SMARCA1: variants seen among roughly 807,000 people sequenced by gnomAD.
The protein encoded by SMARCA1 is SNF2 related chromatin remodeling ATPase 1, also known as SWI/SNF-related matrix-associated actin-dependent regulator of chromatin subfamily A member 1.
A neutral mutation model predicts 93.6 loss-of-function variants in SMARCA1; 17 were observed. That is an observed-to-expected ratio of 0.18 (90% CI 0.12 to 0.27). The LOEUF (loss-of-function observed/expected upper bound fraction) is 0.27, where lower values mean the gene tolerates loss of function less well. SMARCA1 is among the 10% of genes least tolerant of loss of function. The probability of loss-of-function intolerance (pLI) is 1.00; values close to 1 mark genes in which losing one functional copy is unlikely to be tolerated. For synonymous variants in SMARCA1, 271 were observed against 271.4 expected (o/e 1.00, Z 0.01); for missense variants, 630 against 819.0 (o/e 0.77, Z 2.82).
chrX:129,518,938 G>C (rs1191801861), intron 1 of SMARCA1, among the ~76,000 whole-genome samples: 4 of 111,224 alleles, frequency 3.6e-5, no homozygotes, highest in Admixed American at 2.9e-4. Context: ...TTTTAAAATT[G>C]TTTTCATAGT....
chrX:129,465,868 A>G lies in SMARCA1; in HGVS notation c.2793T>C (p.Ser931=). ...CTTTGGCATCCAGGGCTTTCTTGAT[A>G]CTGATCCTTCGTTGAATTCTTGCTT... ...RGEARIQRRI[S]IKKALDAKIA... The change falls in exon 22 of 25, where the codon AGT becomes AGC. Residue 931 remains serine (S), a synonymous_variant. Coordinates refer to ENST00000371121, the MANE Select transcript of SMARCA1 (RefSeq NM_001282874.2). 1 of 1,173,863 alleles carries G rather than the reference A, an allele frequency of 8.5e-7. No homozygotes were observed.
At chrX:129,456,527 A>C (rs1199937038) in intron 23 of SMARCA1, among the ~76,000 whole-genome samples, 1 of 112,488 alleles carries the variant, frequency 8.9e-6, no homozygotes, top group Non-Finnish European at 1.9e-5. Flanking sequence ...GGGCAAAGTC[A>C]ATTGAAAACC....
intron 14 of SMARCA1, 64 bp downstream of exon 14, chrX:129,491,877 G>T: frequency 1.3e-6 from 1 of 758,191 alleles, no homozygotes; most frequent in Non-Finnish European, 1.9e-6. Flanking sequence ...TGACCTTTAT[G>T]TGTGTAAATA....
Position 129,523,184 on chromosome X carries a change from C to A in SMARCA1, c.174+13G>T, listed in dbSNP as rs750255635. On this transcript the variant is annotated intron_variant, in intron 1 of 24. Transcript: ENST00000371121. Reference sequence around the variant, plus strand: ...GGATTTGTCCACCACACACACACCCCCTTCCTATTTACCTCCTTCTTCTTC... The same window carrying A: ...GGATTTGTCCACCACACACACACCCACTTCCTATTTACCTCCTTCTTCTTC... 1.7e-6 allele frequency: 2 copies of A among 1,210,175 alleles called. No homozygotes were observed. Among genetic ancestry groups the A allele is most frequent in the Non-Finnish European group, 2.2e-6 (2 of 894,299 alleles).
At chrX:129,470,164 T>G (rs1933050252) in intron 20 of SMARCA1, among the ~76,000 whole-genome samples, 2 of 111,813 alleles carry the variant, frequency 1.8e-5, no homozygotes, top group Non-Finnish European at 3.8e-5. Context: ...GTTCAAAATT[T>G]GTTGAATAAA....
intron 19 of SMARCA1, among the ~76,000 whole-genome samples, chrX:129,478,897 C>T (rs1933514237): frequency 2.7e-5 from 3 of 111,695 alleles, no homozygotes; most frequent in Admixed American, 1.9e-4. Flanking sequence ...AGAAAGAGCC[C>T]AGAACGTCTG....
intron 16 of SMARCA1, among the ~76,000 whole-genome samples, chrX:129,487,764 G>A (rs2124267546): frequency 8.9e-6 from 1 of 112,141 alleles, no homozygotes; most frequent in South Asian, 3.6e-4. Context: ...ATGGCAATTT[G>A]TATTTTGATT....
Position 129,523,181 on chromosome X carries a change from C to G in SMARCA1, c.174+16G>C, listed in dbSNP as rs765248740. 16 of 1,207,914 alleles carry G rather than the reference C, an allele frequency of 1.3e-5. No individual in the cohort carries two copies. The highest frequency in any genetic ancestry group is 1.8e-5 in the Non-Finnish European group (16 of 893,409). On this transcript the variant is annotated intron_variant, in intron 1 of 24. Transcript: ENST00000371121. ...ACAGGATTTGTCCACCACACACACA[C>G]CCCCTTCCTATTTACCTCCTTCTTC...
At chrX:129,449,606 C>T (rs1176895879) in intron 23 of SMARCA1, among the ~76,000 whole-genome samples, 1 of 111,803 alleles carries the variant, frequency 8.9e-6, no homozygotes, top group African/African-American at 3.2e-5. Flanking sequence ...TACGGAATAT[C>T]ATATATTATT....
intron 17 of SMARCA1, among the ~76,000 whole-genome samples, 186 bp from the exon 18 acceptor site, chrX:129,481,371 A>G (rs1375398663): frequency 8.9e-6 from 1 of 112,584 alleles, no homozygotes; most frequent in South Asian, 3.6e-4. Context: ...TTTAGATGCA[A>G]AGACAGTTTT....
At chrX:129,517,727 A>G (rs779884965) in intron 2 of SMARCA1, among the ~76,000 whole-genome samples, 1 of 111,376 alleles carries the variant, frequency 9.0e-6, no homozygotes, top group African/African-American at 3.2e-5. Flanking sequence ...TAAATTCTTG[A>G]AAGATCCAAG....
intron 20 of SMARCA1, among the ~76,000 whole-genome samples, 176 bp from the exon 21 acceptor site, chrX:129,469,081 T>C (rs1458812106): frequency 8.9e-6 from 1 of 112,645 alleles, no homozygotes; most frequent in African/African-American, 3.2e-5. Flanking sequence ...AGAGTTGTTA[T>C]AGAAATAACT....
rs772285996 is a variant in SMARCA1 at position 129,451,700 on chromosome X, A to ATT, written c.3031-3259_3031-3258dup. Among the ~76,000 whole-genome samples the ATT allele has an allele frequency of 2.4e-3, 194 of 81,401 alleles. 2 individuals carry two copies. Among genetic ancestry groups the ATT allele is most frequent in the East Asian group, 3.5e-3 (9 of 2,583 alleles). 70.7% of individuals were successfully genotyped at this position (81,401 alleles called of 115,157 possible). On this transcript the variant is annotated intron_variant, in intron 23 of 24. Transcript: ENST00000371121. ...CATGTTCTCTATAGATACCAGCTCCATTTTTTTTTTTTTTTTTTTTTGAGA... is the reference window on the plus strand; with the variant it reads ...CATGTTCTCTATAGATACCAGCTCCATTTTTTTTTTTTTTTTTTTTTTTGAGA...
chrX:129,453,614 T>G (rs951202019), intron 23 of SMARCA1, among the ~76,000 whole-genome samples: 1 of 111,837 alleles, frequency 8.9e-6, no homozygotes, highest in African/African-American at 3.2e-5. Flanking sequence ...ATACAAAATC[T>G]ATGTGCAAAA....
At chrX:129,459,574 T>C (rs1269800326) in intron 23 of SMARCA1, among the ~76,000 whole-genome samples, 1 of 112,269 alleles carries the variant, frequency 8.9e-6, no homozygotes, top group Non-Finnish European at 1.9e-5. Context: ...TGCTGCATAA[T>C]AAAACATATG....
intron 5 of SMARCA1, among the ~76,000 whole-genome samples, chrX:129,513,291 G>A (rs970537975): frequency 7.3e-5 from 8 of 109,694 alleles, no homozygotes; most frequent in East Asian, 5.7e-4. Flanking sequence ...TTGGGAGACC[G>A]AGGCAGATGG....
chrX:129,523,018 GAAGGA>G (rs1935465348), intron 1 of SMARCA1, among the ~76,000 whole-genome samples, 174 bp downstream of exon 1: 1 of 111,224 alleles, frequency 9.0e-6, no homozygotes, highest in Non-Finnish European at 1.9e-5. Flanking sequence ...CAGGCGGCGA[GAAGGA>G]AAGGGGGAGG....
chrX:129,508,168 T>C, intron 6 of SMARCA1, 72 bp from the exon 7 acceptor site: 1 of 630,499 alleles, frequency 1.6e-6, no homozygotes, highest in Non-Finnish European at 2.3e-6. Flanking sequence ...ATCACAGAAT[T>C]AAAATATCAA....
chrX:129,517,866 C>A (rs1292169239), intron 2 of SMARCA1, among the ~76,000 whole-genome samples: 3 of 111,502 alleles, frequency 2.7e-5, no homozygotes, highest in African/African-American at 9.7e-5. Context: ...TATGTGATAT[C>A]TTCATGCATT....
Sources: allele counts gnomAD v4.1 joint callset (sites outside exome capture counted in the v4.1 genomes callset), GRCh38; gene constraint gnomAD v4.1.1; transcripts MANE v1.5; gene names NCBI Gene and HGNC (gene_info 2026-07-23, HGNC 2026-07-21).